DENND4A: variants seen among roughly 807,000 people sequenced by gnomAD.
DENND4A encodes C-myc promoter-binding protein.
In DENND4A, 70 loss-of-function variants were observed where a neutral mutation model predicts 199.3. That is an observed-to-expected ratio of 0.35 (90% confidence interval 0.29 to 0.43). The LOEUF (loss-of-function observed/expected upper bound fraction) is 0.43, where lower values mean the gene tolerates loss of function less well. DENND4A is among the 20% of genes least tolerant of loss of function. The probability of loss-of-function intolerance (pLI) is 1.00; values close to 1 mark genes in which losing one functional copy is unlikely to be tolerated. For synonymous variants in DENND4A, 686 were observed against 766.9 expected (o/e 0.89, Z 1.74); for missense variants, 1,723 against 2,255.8 (o/e 0.76, Z 4.78).
rs1439188319 is a variant in DENND4A at position 65,671,870 on chromosome 15, A to T, written c.4386T>A (p.Phe1462Leu). 2 of 1,606,510 alleles carry T rather than the reference A, an allele frequency of 1.2e-6. No homozygotes were observed. Among genetic ancestry groups the T allele is most frequent in the East Asian group, 2.2e-5 (1 of 44,838 alleles). ...TCACTTCTGATTTCCCAGGTAAGGC[A>T]AACTTCGACAGAGATCCTGTTCATT... ...SASLEGSLSK[F>L]ALPGKSEVTS... The change falls in exon 25 of 33, where the codon TTT (phenylalanine) becomes TTA (leucine). Residue 1462 changes from phenylalanine to leucine, a missense_variant. Around this residue, in one of 6 missense-constraint regions of DENND4A, gnomAD observed 650 missense variants for 738.1 expected, o/e 0.88. Transcript: ENST00000443035.
intron 1 of DENND4A, among the ~76,000 whole-genome samples, chr15:65,771,016 G>A (rs1276441449): frequency 6.6e-6 from 1 of 152,156 alleles, no homozygotes; most frequent in Non-Finnish European, 1.5e-5. Flanking sequence ...ACTATTTAAA[G>A]GAGCCAGTAG....
At chr15:65,727,054 C>G (rs2075821100) in intron 11 of DENND4A, among the ~76,000 whole-genome samples, 1 of 152,058 alleles carries the variant, frequency 6.6e-6, no homozygotes, top group Non-Finnish European at 1.5e-5. Context: ...TGGCTCATGC[C>G]TGTAATCCCA....
At chr15:65,702,789 G>T in intron 16 of DENND4A, 84 bp downstream of exon 16, 3 of 1,272,180 alleles carry the variant, frequency 2.4e-6, no homozygotes, top group Non-Finnish European at 3.3e-6. Context: ...TATATATGAA[G>T]TGATAAAGCA....
At chr15:65,731,264 T>G in intron 9 of DENND4A, 1 of 311,330 alleles carries the variant, frequency 3.2e-6, no homozygotes, top group Non-Finnish European at 6.3e-6. Flanking sequence ...AGAACTATTT[T>G]TTTTCTTTTG....
chr15:65,745,936 C>A (rs1048116971), intron 4 of DENND4A, among the ~76,000 whole-genome samples: 1 of 151,676 alleles, frequency 6.6e-6, no homozygotes, highest in Non-Finnish European at 1.5e-5. Context: ...GAGTTTGAGA[C>A]CGGCCTGGCC....
Position 65,717,995 on chromosome 15 carries a change from C to A in DENND4A, c.1590G>T (p.Leu530Phe). ...GTCCATCATCTCTCGGTCTCTGCTG[C>A]ACTGTGAAGACATACAGTGTTAGTG... The part of the protein sequence containing the change: ...LNNLHQQLAK[L>F]QQRPRDDGLM... Residue 530 changes from leucine to phenylalanine, a missense_variant and splice_region_variant, in exon 13 of 33, where the codon TTG becomes TTT. Around this residue, in one of 6 missense-constraint regions of DENND4A, gnomAD observed 725 missense variants for 952.9 expected, o/e 0.76. Transcript: ENST00000443035. 3 of 1,591,432 alleles carry A rather than the reference C, an allele frequency of 1.9e-6. No homozygotes were observed. Among genetic ancestry groups the A allele is most frequent in the Non-Finnish European group, 2.6e-6 (3 of 1,167,148 alleles).
Position 65,792,213 on chromosome 15 carries a change from C to G in DENND4A, c.-305G>C, listed in dbSNP as rs1032249577. ...GTCTCAGTCAGACGGGACTCCCCCT[C>G]CCCTCGCGGCCGCCACTGCCTCCGC... On this transcript the variant is annotated 5_prime_UTR_variant, in exon 1 of 33. Transcript: ENST00000443035. 7 of 152,618 alleles carry G rather than the reference C, an allele frequency of 4.6e-5. No individual in the cohort carries two copies. The highest frequency in any genetic ancestry group is 1.7e-4 in the African/African-American group (7 of 41,434). The allele number at this position is 152,618 out of a possible 1,614,324, so 9.5% of individuals were successfully genotyped here.
intron 4 of DENND4A, 135 bp from the exon 5 acceptor site, chr15:65,741,919 T>G: frequency 1.8e-6 from 1 of 562,296 alleles, no homozygotes; most frequent in East Asian, 3.2e-5. Context: ...TATTTTCAGT[T>G]GGCTGTTTTG....
intron 2 of DENND4A, among the ~76,000 whole-genome samples, chr15:65,759,680 T>C (rs572091035): frequency 1.3e-5 from 2 of 152,314 alleles, no homozygotes; most frequent in Non-Finnish European, 2.9e-5. Flanking sequence ...GACTGTTAAA[T>C]GCTGACTTAT....
At chr15:65,701,246 T>C (rs1431764615) in intron 18 of DENND4A, 54 bp from the exon 19 acceptor site, 2 of 1,371,400 alleles carry the variant, frequency 1.5e-6, no homozygotes, top group East Asian at 2.6e-5. Context: ...TAAGTGAACA[T>C]ATATTGGTTT....
chr15:65,778,032 C>CA (rs1015906729), intron 1 of DENND4A, among the ~76,000 whole-genome samples: 59 of 143,466 alleles, frequency 4.1e-4, no homozygotes, highest in African/African-American at 7.4e-4. Context: ...GACTCCGTAT[C>CA]AAAAAAAAAA....
chr15:65,746,512 G>A (rs1196685442), intron 4 of DENND4A, among the ~76,000 whole-genome samples: 3 of 148,132 alleles, frequency 2.0e-5, no homozygotes, highest in Non-Finnish European at 3.0e-5. Context: ...TCAGCCTCCC[G>A]AGTAGCTGGG....
chr15:65,709,867 T>C (rs1194785576), intron 14 of DENND4A, among the ~76,000 whole-genome samples: 2 of 151,626 alleles, frequency 1.3e-5, no homozygotes, highest in East Asian at 3.9e-4. Flanking sequence ...AATCTTTAAG[T>C]ATAATGTTAA....
At chr15:65,706,745 T>C (rs1329219115) in intron 14 of DENND4A, among the ~76,000 whole-genome samples, 5 of 152,098 alleles carry the variant, frequency 3.3e-5, no homozygotes. Flanking sequence ...CTGCCCGCCT[T>C]GGCCTCCCAA....
intron 3 of DENND4A, chr15:65,753,794 A>C (rs534333902): frequency 2.0e-4 from 31 of 152,164 alleles, no homozygotes; most frequent in African/African-American, 6.7e-4. Context: ...ATACAAATAA[A>C]ATATAATGCC....
At chr15:65,783,509 T>A (rs985435993) in intron 1 of DENND4A, among the ~76,000 whole-genome samples, 1 of 152,210 alleles carries the variant, frequency 6.6e-6, no homozygotes, top group Non-Finnish European at 1.5e-5. Flanking sequence ...CTAGAAGTCA[T>A]GATATTCCAA....
chr15:65,716,340 A>C (rs796776446), intron 13 of DENND4A, among the ~76,000 whole-genome samples: 1 of 149,494 alleles, frequency 6.7e-6, no homozygotes, highest in African/African-American at 2.5e-5. Context: ...GGTGTGCTGC[A>C]CCCATTAACT....
rs1187081386 is a variant in DENND4A, at chr15:65,763,641, ACTCC to A, written c.-101-2207_-101-2204del. On this transcript the variant is annotated intron_variant, in intron 1 of 32. Transcript: ENST00000443035. ...CAGTGAGCCTTGTTCACACCACTGC[ACTCC>A]AGCCAGCCTGAGTGACCAAGCAAGA... 3.5e-5 allele frequency among the ~76,000 whole-genome samples: 5 copies of A among 144,742 alleles called. No individual in the cohort carries two copies. In the East Asian group the frequency reaches 9.8e-4, roughly 28 times the overall value. 95.0% of individuals were successfully genotyped at this position (144,742 alleles called of 152,430 possible). A position where few individuals can be genotyped will look rare whatever the true frequency, so the allele number is the denominator to read the frequency against.
In DENND4A at chr15:65,791,729, C is replaced by T. The variant is rs187017374; in HGVS notation, c.-102+281G>A. Among the ~76,000 whole-genome samples the T allele has an allele frequency of 2.5e-3, 374 of 152,130 alleles. 1 individual carries two copies. The highest frequency in any genetic ancestry group is 8.7e-3 in the African/African-American group (360 of 41,520). ...CCCCACTCCCAAATAACAACAGCCCCAGGCCAGCCTGGAATAGAAAATCTG... is the reference window on the plus strand; with the variant it reads ...CCCCACTCCCAAATAACAACAGCCCTAGGCCAGCCTGGAATAGAAAATCTG... On this transcript the variant is annotated intron_variant, in intron 1 of 32. Transcript: ENST00000443035.
Sources: allele counts gnomAD v4.1 joint callset (sites outside exome capture counted in the v4.1 genomes callset), GRCh38; gene constraint gnomAD v4.1.1; regional missense constraint gnomAD v4.1.1; transcripts MANE v1.5; gene names NCBI Gene and HGNC (gene_info 2026-07-23, HGNC 2026-07-21).